The following BCAS4 variants were observed in gnomAD, a reference collection of about 807,000 sequenced individuals.
BCAS4 encodes the protein breast carcinoma amplified sequence 4, also known as breast carcinoma-amplified sequence 4.
In BCAS4, 9 loss-of-function variants were observed where a neutral mutation model predicts 15.7. The ratio of observed to expected loss-of-function variants is 0.57; its 90% confidence interval spans 0.34 to 1.00. The LOEUF is 1.00. Ranked by LOEUF, BCAS4 falls within the 50% of genes least tolerant of loss-of-function variation. BCAS4 has a pLI of 0.02. For synonymous variants in BCAS4, 101 were observed against 99.5 expected, an observed-to-expected ratio of 1.02 and a Z score of -0.09; for missense variants, 225 against 239.1, an observed-to-expected ratio of 0.94 and a Z score of 0.39.
intron 4 of BCAS4, among the ~76,000 whole-genome samples, chr20:50,842,638 G>A (rs190077522): frequency 5.8e-4 from 89 of 152,196 alleles, no homozygotes; most frequent in Admixed American, 4.6e-3. Flanking sequence ...GGCTGGTCTC[G>A]AAGTCCTGAC....
At chr20:50,847,944 T>G (rs551022049) in intron 4 of BCAS4, among the ~76,000 whole-genome samples, 17 of 151,680 alleles carry the variant, frequency 1.1e-4, no homozygotes, top group Admixed American at 3.9e-4. Flanking sequence ...ACTCAGGAGG[T>G]GGAAGGATCA....
chr20:50,813,030 G>T (rs1274073109), intron 1 of BCAS4, among the ~76,000 whole-genome samples: 1 of 151,904 alleles, frequency 6.6e-6, no homozygotes, highest in Non-Finnish European at 1.5e-5. Context: ...TGTTGCCCAG[G>T]ATGGCCTTGA....
upstream of BCAS4, chr20:50,795,033 A>C (rs1217896015): frequency 2.1e-6 from 3 of 1,426,250 alleles, no homozygotes; most frequent in African/African-American, 3.0e-5. Context: ...GCCCGGGCGC[A>C]ACCACGGGCT....
intron 4 of BCAS4, among the ~76,000 whole-genome samples, chr20:50,845,867 C>T (rs1193968747): frequency 1.3e-5 from 2 of 152,264 alleles, no homozygotes; most frequent in Non-Finnish European, 2.9e-5. Flanking sequence ...TCACCAGAGG[C>T]GCAGCCCCCA....
intron 1 of BCAS4, among the ~76,000 whole-genome samples, chr20:50,816,990 A>G (rs1400832807): frequency 6.6e-6 from 1 of 151,578 alleles, no homozygotes; most frequent in African/African-American, 2.4e-5. Context: ...TTTTTAGTAG[A>G]GATGGGGTCA....
At chr20:50,842,065 C>T (rs1413164374) in intron 4 of BCAS4, among the ~76,000 whole-genome samples, 165 bp downstream of exon 4, 4 of 152,164 alleles carry the variant, frequency 2.6e-5, no homozygotes, top group African/African-American at 9.7e-5. Flanking sequence ...TTTCTCTGTC[C>T]CCTGTGAGCC....
At chr20:50,882,003 G>A (rs1271812300), downstream of BCAS4, 1 of 152,208 alleles carries the variant, frequency 6.6e-6, no homozygotes, top group Non-Finnish European at 1.5e-5. Context: ...GTACATTGAT[G>A]GTGGGACACC....
chr20:50,830,968 T>G (rs1284633972), intron 3 of BCAS4, among the ~76,000 whole-genome samples: 1 of 152,210 alleles, frequency 6.6e-6, no homozygotes, highest in East Asian at 1.9e-4. Context: ...CACATTTCCT[T>G]AAATACTTTA....
chr20:50,852,300 G>C (rs1435449799), intron 4 of BCAS4, among the ~76,000 whole-genome samples: 1 of 152,216 alleles, frequency 6.6e-6, no homozygotes, highest in Non-Finnish European at 1.5e-5. Flanking sequence ...TGGCAGGGGA[G>C]GCGGGGCCCT....
intron 1 of BCAS4, among the ~76,000 whole-genome samples, chr20:50,813,868 T>C (rs1055875662): frequency 6.6e-6 from 1 of 150,818 alleles, no homozygotes; most frequent in African/African-American, 2.4e-5. Flanking sequence ...CCATCTCCAC[T>C]GGTCCTTCCT....
At position 50,815,846 on chromosome 20, in the gene BCAS4, C is replaced by T. The variant is rs538873394; in HGVS notation, c.91-2365C>T. On this transcript the variant is annotated intron_variant, in intron 1 of 4. Transcript: ENST00000371608. Reference sequence around the variant, plus strand: ...CAGGTGCAGGGGGCAGGGACTAGGCCTGCCCAGAAACTCTGAGCACGCCTC... The same window carrying T: ...CAGGTGCAGGGGGCAGGGACTAGGCTTGCCCAGAAACTCTGAGCACGCCTC... 1.4e-4 allele frequency among the ~76,000 whole-genome samples: 21 copies of T among 152,256 alleles called. No homozygotes were observed. The South Asian group carries it at 2.5e-3, about 18-fold the overall frequency.
intron 4 of BCAS4, among the ~76,000 whole-genome samples, chr20:50,869,173 C>T (rs1227198196): frequency 2.6e-5 from 4 of 152,200 alleles, no homozygotes; most frequent in African/African-American, 9.6e-5. Flanking sequence ...GTAGTGTCAC[C>T]TGGTGTGTAG....
intron 4 of BCAS4, among the ~76,000 whole-genome samples, chr20:50,853,139 A>ATTTT (rs35651267): frequency 3.0e-4 from 32 of 106,894 alleles, no homozygotes; most frequent in Non-Finnish European, 4.1e-4. Flanking sequence ...ATCCCCTTTC[A>ATTTT]TTTTTTTTTT....
chr20:50,869,969 G>A (rs4811097), intron 4 of BCAS4, among the ~76,000 whole-genome samples: 1 of 152,040 alleles, frequency 6.6e-6, no homozygotes, highest in Admixed American at 6.6e-5. Flanking sequence ...GGCTGGTCTC[G>A]AACTCCTGAC....
chr20:50,850,137 T>A (rs1311076093), intron 4 of BCAS4, among the ~76,000 whole-genome samples: 1 of 152,160 alleles, frequency 6.6e-6, no homozygotes. Flanking sequence ...CCAGCCCTGG[T>A]TGGAACTCTT....
intron 1 of BCAS4, among the ~76,000 whole-genome samples, chr20:50,805,523 C>T (rs2087978623): frequency 6.6e-6 from 1 of 152,182 alleles, no homozygotes; most frequent in East Asian, 1.9e-4. Flanking sequence ...AGCTGGGGCC[C>T]AGTAGCAGCC....
intron 4 of BCAS4, among the ~76,000 whole-genome samples, chr20:50,862,407 C>T (rs1008673601): frequency 1.3e-5 from 2 of 152,230 alleles, no homozygotes; most frequent in African/African-American, 2.4e-5. Flanking sequence ...ACCTTGAAAA[C>T]CATCCATCCC....
chr20:50,872,468 G>C (rs536792937), intron 4 of BCAS4, among the ~76,000 whole-genome samples: 2 of 151,766 alleles, frequency 1.3e-5, no homozygotes, highest in Non-Finnish European at 2.9e-5. Context: ...CTACTCTGGA[G>C]GCTGAGGCAG....
chr20:50,871,796 A>C (rs6096134), intron 4 of BCAS4, among the ~76,000 whole-genome samples: 53,394 of 151,972 alleles, frequency 0.35, 11,233 homozygotes, highest in African/African-American at 0.6. Flanking sequence ...TCCCTGTCCC[A>C]GTAGCAAGAA....
Sources: allele counts gnomAD v4.1 joint callset (sites outside exome capture counted in the v4.1 genomes callset), GRCh38; gene constraint gnomAD v4.1.1; transcripts MANE v1.5; gene names NCBI Gene and HGNC (gene_info 2026-07-23, HGNC 2026-07-21).